The following MATN2 variants were observed in gnomAD, a reference collection of about 807,000 sequenced individuals.
MATN2 encodes matrilin 2, also known as matrilin-2.
In MATN2, 69 loss-of-function variants were observed where a neutral mutation model predicts 103.2. The observed-to-expected ratio is 0.67, with a 90% CI of 0.55 to 0.82. The LOEUF is 0.82. Among genes scored for constraint, MATN2 ranks in the 40% least tolerant of loss-of-function variants. The probability of loss-of-function intolerance (pLI) is 0.00; values close to 1 mark genes in which losing one functional copy is unlikely to be tolerated. For missense variants in MATN2, 1,023 were observed against 1,211.5 expected (o/e 0.84, Z 2.31); for synonymous variants, 429 against 450.2 (o/e 0.95, Z 0.60).
At chr8:97,947,174 C>A (rs1452983202) in intron 4 of MATN2, among the ~76,000 whole-genome samples, 1 of 152,094 alleles carries the variant, frequency 6.6e-6, no homozygotes, top group East Asian at 1.9e-4. Context: ...GAGTTTGAGA[C>A]CAACCTAGCT....
At chr8:98,029,973 A>T (rs1308454214) in intron 14 of MATN2, among the ~76,000 whole-genome samples, 2 of 152,142 alleles carry the variant, frequency 1.3e-5, no homozygotes, top group Admixed American at 1.3e-4. Flanking sequence ...GCACTTCCTC[A>T]CAAAGTTGTG....
chr8:97,877,488 CT>C (rs77059679), intron 1 of MATN2, among the ~76,000 whole-genome samples: 116 of 142,602 alleles, frequency 8.1e-4, no homozygotes, highest in African/African-American at 7.1e-4. Flanking sequence ...AAAAAAAAAA[CT>C]TTTTTTTTTT....
chr8:97,927,442 G>A (rs1810023675), intron 2 of MATN2, among the ~76,000 whole-genome samples: 1 of 152,260 alleles, frequency 6.6e-6, no homozygotes, highest in East Asian at 1.9e-4. Context: ...TTACAGGCAT[G>A]AGCCACTGTG....
chr8:97,918,613 C>G (rs1284813172), intron 2 of MATN2, among the ~76,000 whole-genome samples: 2 of 152,226 alleles, frequency 1.3e-5, no homozygotes, highest in African/African-American at 4.8e-5. Context: ...TCCCAGGGCA[C>G]TGGCCTGGGC....
intron 7 of MATN2, among the ~76,000 whole-genome samples, chr8:97,997,530 C>G (rs948528354): frequency 6.6e-6 from 1 of 152,168 alleles, no homozygotes; most frequent in African/African-American, 2.4e-5. Context: ...TCAGAAAGAT[C>G]GTTTGATTTG....
chr8:97,988,735 G>A (rs1812287091), intron 6 of MATN2, among the ~76,000 whole-genome samples: 1 of 151,918 alleles, frequency 6.6e-6, no homozygotes, highest in Admixed American at 6.6e-5. Flanking sequence ...AACCTAGTTG[G>A]CTTAACTGGT....
In MATN2 at chr8:98,027,546, C is replaced by G; in HGVS notation, c.2073C>G (p.Ala691=). ...IIDSLTISPK[A]ARVGLLQYST... ...ATTCCTTGACAATTTCCCCCAAAGC[C>G]GCTCGAGTGGGGCTGCTCCAGTATT... is the stretch of plus-strand genomic sequence containing the variant. The change falls in exon 14 of 19, where the codon GCC becomes GCG. Residue 691 remains alanine (A), a synonymous_variant. Coordinates refer to ENST00000254898, the MANE Select transcript of MATN2 (RefSeq NM_002380.5). The G allele has an allele frequency of 6.2e-7, 1 of 1,613,794 alleles. No homozygotes were observed. The highest frequency in any genetic ancestry group is 8.5e-7 in the Non-Finnish European group (1 of 1,179,866).
At chr8:97,983,420 C>A (rs1028251904) in intron 6 of MATN2, among the ~76,000 whole-genome samples, 6 of 152,122 alleles carry the variant, frequency 3.9e-5, no homozygotes, top group Admixed American at 3.9e-4. Flanking sequence ...GGTAGCAAGA[C>A]TTTTTGAGAT....
intron 7 of MATN2, among the ~76,000 whole-genome samples, chr8:98,000,016 G>T (rs1812727226): frequency 1.3e-5 from 2 of 151,862 alleles, no homozygotes; most frequent in Admixed American, 1.3e-4. Context: ...AAGTAGCTGG[G>T]ACTACAGATA....
rs1812649698 is a variant in MATN2 at position 97,998,025 on chromosome 8, G to GT, written c.1204+3424dup. On this transcript the variant is annotated intron_variant, in intron 7 of 18. Transcript: ENST00000254898. ...AGTAGAGACGGGGTTTCACCATGTTGTCCAGGCTGGTCTCAAACTCCTGGA... is the reference window on the plus strand; with the variant it reads ...AGTAGAGACGGGGTTTCACCATGTTGTTCCAGGCTGGTCTCAAACTCCTGGA... Among the ~76,000 whole-genome samples, 4 of 150,670 alleles carry GT rather than the reference G, an allele frequency of 2.7e-5. No homozygotes were observed. The South Asian group carries it at 8.5e-4, about 32-fold the overall frequency.
intron 4 of MATN2, among the ~76,000 whole-genome samples, chr8:97,943,587 C>T (rs930406389): frequency 6.6e-5 from 10 of 152,150 alleles, no homozygotes; most frequent in Non-Finnish European, 1.3e-4. Context: ...AGTCCTCCCA[C>T]CTCAGCCTCC....
chr8:98,035,831 T>C lies in MATN2; in HGVS notation c.*119T>C. 1.9e-6 allele frequency: 1 copy of C among 530,154 alleles called. No individual in the cohort carries two copies. The highest frequency in any genetic ancestry group is 3.2e-6 in the Non-Finnish European group (1 of 309,010). The allele number at this position is 530,154 out of a possible 1,614,324, so 32.8% of individuals were successfully genotyped here. On this transcript the variant is annotated 3_prime_UTR_variant, in exon 19 of 19. Coordinates refer to ENST00000254898, the MANE Select transcript of MATN2 (RefSeq NM_002380.5). ...TAATGTTGTGAAGTAAAACAATCAGTACTGAGAAACCTGGTTTGCCACAGA... is the reference window on the plus strand; with the variant it reads ...TAATGTTGTGAAGTAAAACAATCAGCACTGAGAAACCTGGTTTGCCACAGA...
intron 5 of MATN2, among the ~76,000 whole-genome samples, chr8:97,965,285 A>T (rs565569211): frequency 6.6e-6 from 1 of 152,330 alleles, no homozygotes; most frequent in South Asian, 2.1e-4. Flanking sequence ...TCTGAAAAAG[A>T]GCCACCGAAG....
intron 6 of MATN2, among the ~76,000 whole-genome samples, chr8:97,983,559 A>G (rs1432657081): frequency 6.6e-6 from 1 of 152,212 alleles, no homozygotes; most frequent in African/African-American, 2.4e-5. Flanking sequence ...TTTGGTAGCA[A>G]GGAGACTGTG....
At chr8:98,001,879 T>C (rs1214000141) in intron 7 of MATN2, among the ~76,000 whole-genome samples, 3 of 152,202 alleles carry the variant, frequency 2.0e-5, no homozygotes, top group Non-Finnish European at 2.9e-5. Flanking sequence ...CCTTGACCAA[T>C]GACTGACAAA....
intron 2 of MATN2, among the ~76,000 whole-genome samples, chr8:97,921,229 G>C (rs1410490352): frequency 2.0e-5 from 3 of 152,150 alleles, no homozygotes; most frequent in Non-Finnish European, 4.4e-5. Context: ...AAAAATGTTT[G>C]GAAAATGTTA....
At chr8:97,911,212 C>T (rs752478230) in intron 2 of MATN2, among the ~76,000 whole-genome samples, 4 of 151,830 alleles carry the variant, frequency 2.6e-5, no homozygotes, top group East Asian at 2.0e-4. Context: ...AGGCTGCTCT[C>T]GAACTCCTGA....
intron 5 of MATN2, among the ~76,000 whole-genome samples, chr8:97,963,095 A>G (rs1338369984): frequency 2.0e-5 from 3 of 152,250 alleles, no homozygotes; most frequent in Non-Finnish European, 1.5e-5. Context: ...AGATTGTGCC[A>G]CTGCACTCCA....
At chr8:97,952,713 C>T (rs77140983) in intron 4 of MATN2, among the ~76,000 whole-genome samples, 57 of 152,218 alleles carry the variant, frequency 3.7e-4, no homozygotes, top group African/African-American at 1.3e-3. Context: ...CTGAAACAAG[C>T]GAGCAGATTT....
Sources: allele counts gnomAD v4.1 joint callset (sites outside exome capture counted in the v4.1 genomes callset), GRCh38; gene constraint gnomAD v4.1.1; transcripts MANE v1.5; gene names NCBI Gene and HGNC (gene_info 2026-07-23, HGNC 2026-07-21).